Variants in TMX4 observed in about 807,000 individuals in gnomAD.
TMX4 encodes thioredoxin related transmembrane protein 4, also known as thioredoxin-related transmembrane protein 4.
Under a neutral mutation model 33.3 loss-of-function variants are expected in TMX4, and 23 were observed. The ratio of observed to expected loss-of-function variants is 0.69; its 90% confidence interval spans 0.50 to 0.98. The LOEUF (loss-of-function observed/expected upper bound fraction) is 0.98. Among genes scored for constraint, TMX4 ranks in the 50% least tolerant of loss-of-function variants. The pLI is 0.00. For missense variants in TMX4, 399 were observed against 448.9 expected (o/e 0.89, Z 1.01); for synonymous variants, 164 against 161.5 (o/e 1.02, Z -0.12).
Position 7,982,056 on chromosome 20 carries a change from A to G in TMX4, c.*195T>C, listed in dbSNP as rs185125839. On this transcript the variant is annotated 3_prime_UTR_variant, in exon 8 of 8. Coordinates refer to ENST00000246024, the MANE Select transcript of TMX4 (RefSeq NM_021156.4). Reference sequence around the variant, plus strand: ...ATCCCAACACTACGTTTGTTTTTCTATATCCTGATTGTCACACCTGGAAGA... The same window carrying G: ...ATCCCAACACTACGTTTGTTTTTCTGTATCCTGATTGTCACACCTGGAAGA... The G allele has an allele frequency of 6.6e-6, 4 of 602,102 alleles. No homozygotes were observed. Among genetic ancestry groups the G allele is most frequent in the Middle Eastern group, 4.5e-4 (1 of 2,228 alleles). The allele number at this position is 602,102 out of a possible 1,614,324, so 37.3% of individuals were successfully genotyped here. A position where few individuals can be genotyped will look rare whatever the true frequency, so the allele number is the denominator to read the frequency against.
chr20:8,013,536 T>C (rs2050761229), intron 1 of TMX4, among the ~76,000 whole-genome samples: 1 of 152,222 alleles, frequency 6.6e-6, no homozygotes, highest in African/African-American at 2.4e-5. Flanking sequence ...GGAAACAAAA[T>C]TCAACAGCAT....
In TMX4 at chr20:7,980,853, T is replaced by G. The variant is rs1259063238; in HGVS notation, c.*1398A>C. On this transcript the variant is annotated 3_prime_UTR_variant, in exon 8 of 8. Transcript: ENST00000246024. ...CAATTAATACAAGGAAAGGGTTATC[T>G]AAACAGCCAGATAGAAATATACTGC... The G allele has an allele frequency of 6.6e-6, 1 of 152,214 alleles. No individual in the cohort carries two copies. The highest frequency in any genetic ancestry group is 1.5e-5 in the Non-Finnish European group (1 of 68,040). The allele number at this position is 152,214 out of a possible 1,614,324, so 9.4% of individuals were successfully genotyped here.
rs2050596446 is a variant in TMX4 at position 7,979,645 on chromosome 20, A to G, written c.*2606T>C. 6.6e-6 allele frequency: 1 copy of G among 151,952 alleles called. No individual in the cohort carries two copies. Among genetic ancestry groups the G allele is most frequent in the South Asian group, 2.1e-4 (1 of 4,814 alleles). The allele number at this position is 151,952 out of a possible 1,614,324, so 9.4% of individuals were successfully genotyped here. On this transcript the variant is annotated 3_prime_UTR_variant, in exon 8 of 8. Transcript: ENST00000246024. ...TCCCAGCTACCTGGGAGGCTGAGGCAGGAGAATCCCTTGAACTAGGGAGGC... is the reference window on the plus strand; with the variant it reads ...TCCCAGCTACCTGGGAGGCTGAGGCGGGAGAATCCCTTGAACTAGGGAGGC...
intron 2 of TMX4, among the ~76,000 whole-genome samples, chr20:8,002,509 A>G (rs1004042): frequency 0.15 from 22,464 of 152,136 alleles, 2,583 homozygotes; most frequent in East Asian, 0.53. Context: ...ATGGGCACCA[A>G]GAATAAGTAA....
At chr20:7,990,853 T>C (rs1241418456) in intron 5 of TMX4, among the ~76,000 whole-genome samples, 1 of 152,244 alleles carries the variant, frequency 6.6e-6, no homozygotes, top group Non-Finnish European at 1.5e-5. Context: ...ACCTCTTTCA[T>C]GCTTTAGCTC....
chr20:8,018,760 G>A (rs2050795342), intron 1 of TMX4: 1 of 191,048 alleles, frequency 5.2e-6, no homozygotes, highest in Non-Finnish European at 1.1e-5. Flanking sequence ...TTTCTTTATG[G>A]CACAATTATT....
intron 5 of TMX4, among the ~76,000 whole-genome samples, chr20:7,988,338 A>T (rs2122855285): frequency 6.6e-6 from 1 of 152,334 alleles, no homozygotes; most frequent in South Asian, 2.1e-4. Context: ...CCAAGTTTCT[A>T]TTTTAATTTC....
intron 1 of TMX4, among the ~76,000 whole-genome samples, chr20:8,014,418 C>G (rs908933595): frequency 6.6e-6 from 1 of 152,088 alleles, no homozygotes; most frequent in Non-Finnish European, 1.5e-5. Flanking sequence ...GATAAAAGAG[C>G]AATTAATCTA....
At chr20:8,014,463 T>C (rs868524666) in intron 1 of TMX4, among the ~76,000 whole-genome samples, 1 of 152,246 alleles carries the variant, frequency 6.6e-6, no homozygotes, top group Non-Finnish European at 1.5e-5. Flanking sequence ...AAAGTATTTT[T>C]TGAACACAAA....
At chr20:7,990,465 G>A (rs1260929790) in intron 5 of TMX4, among the ~76,000 whole-genome samples, 3 of 152,170 alleles carry the variant, frequency 2.0e-5, no homozygotes, top group African/African-American at 2.4e-5. Context: ...GAATAAATGA[G>A]AAGAGCATTC....
chr20:8,010,886 T>C (rs1183373887), intron 1 of TMX4, among the ~76,000 whole-genome samples: 2 of 152,110 alleles, frequency 1.3e-5, no homozygotes, highest in African/African-American at 4.8e-5. Context: ...AAAAATACCT[T>C]GGCTTTCAAG....
At chr20:7,984,740 T>A (rs375170943) in intron 6 of TMX4, among the ~76,000 whole-genome samples, 1 of 152,268 alleles carries the variant, frequency 6.6e-6, no homozygotes, top group South Asian at 2.1e-4. Context: ...ACCATATCCA[T>A]CATCTTAATT....
At chr20:8,018,326 AGAGAGAGAGAGAGAGAGAGGAGG>A (rs1488645700) in intron 1 of TMX4, among the ~76,000 whole-genome samples, 1 of 53,856 alleles carries the variant, frequency 1.9e-5, no homozygotes, top group Non-Finnish European at 2.9e-5. Flanking sequence ...AGAGAGACAG[AGAGAGAGAGAGAGAGAGAGGAGG>A]GAGAGAGAGA....
chr20:8,009,173 G>C (rs1483226003), intron 2 of TMX4, among the ~76,000 whole-genome samples: 2 of 152,048 alleles, frequency 1.3e-5, no homozygotes, highest in African/African-American at 4.8e-5. Context: ...GATTATAAAA[G>C]GCCATCTTTT....
chr20:8,009,836 G>A (rs540896830), intron 2 of TMX4, among the ~76,000 whole-genome samples: 2 of 130,928 alleles, frequency 1.5e-5, no homozygotes, highest in African/African-American at 3.0e-5. Context: ...TATGAACCAT[G>A]ATTGGATCCT....
At chr20:7,989,561 T>G (rs1830827985) in intron 5 of TMX4, among the ~76,000 whole-genome samples, 1 of 152,222 alleles carries the variant, frequency 6.6e-6, no homozygotes, top group Non-Finnish European at 1.5e-5. Context: ...ATTTCCTCTT[T>G]AACGGAATTT....
intron 1 of TMX4, 38 bp from the exon 2 acceptor site, chr20:8,010,353 C>T: frequency 7.7e-7 from 1 of 1,294,854 alleles, no homozygotes; most frequent in African/African-American, 1.5e-5. Context: ...GATAAATATA[C>T]AGAAGAAATC....
chr20:8,005,598 T>C (rs1265680291), intron 2 of TMX4, among the ~76,000 whole-genome samples: 1 of 152,084 alleles, frequency 6.6e-6, no homozygotes, highest in East Asian at 1.9e-4. Flanking sequence ...TGGCCTGCCA[T>C]GCTCCCATCC....
intron 5 of TMX4, among the ~76,000 whole-genome samples, chr20:7,987,806 A>T (rs1320778872): frequency 6.6e-6 from 1 of 152,176 alleles, no homozygotes; most frequent in Non-Finnish European, 1.5e-5. Context: ...CAATCATTTA[A>T]AATGTCTCCA....
Sources: allele counts gnomAD v4.1 joint callset (sites outside exome capture counted in the v4.1 genomes callset), GRCh38; gene constraint gnomAD v4.1.1; transcripts MANE v1.5; gene names NCBI Gene and HGNC (gene_info 2026-07-23, HGNC 2026-07-21).